The following RABGAP1L variants were observed in gnomAD, a reference collection of about 807,000 sequenced individuals.
RABGAP1L encodes the protein rab GTPase-activating protein 1-like.
In RABGAP1L, 63 loss-of-function variants were observed where a neutral mutation model predicts 137.7. The observed-to-expected ratio is 0.46, with a 90% confidence interval of 0.37 to 0.56. The LOEUF is 0.56. RABGAP1L is among the 20% of genes least tolerant of loss of function. The pLI, the probability that RABGAP1L is intolerant of heterozygous loss-of-function variation, is 0.00. For missense variants in RABGAP1L, 1,095 were observed against 1,244.0 expected (o/e 0.88, Z 1.80); for synonymous variants, 431 against 433.7 (o/e 0.99, Z 0.08).
intron 18 of RABGAP1L, among the ~76,000 whole-genome samples, chr1:174,767,023 GC>G (rs1685721029): frequency 6.6e-6 from 1 of 152,096 alleles, no homozygotes; most frequent in Non-Finnish European, 1.5e-5. Context: ...TCAACCAATT[GC>G]CAATAAGAAA....
chr1:174,672,019 G>C (rs2148448702), intron 14 of RABGAP1L, among the ~76,000 whole-genome samples: 1 of 152,018 alleles, frequency 6.6e-6, no homozygotes, highest in East Asian at 1.9e-4. Flanking sequence ...TGAAGAAATA[G>C]ATGAGTAAGG....
At chr1:174,544,138 G>T (rs61826888) in intron 13 of RABGAP1L, among the ~76,000 whole-genome samples, 13,653 of 152,164 alleles carry the variant, frequency 0.09, 830 homozygotes, top group East Asian at 0.22. Flanking sequence ...TTGAATGTTG[G>T]CCTGCCTTGC....
At chr1:174,611,292 G>A (rs369472567) in intron 13 of RABGAP1L, among the ~76,000 whole-genome samples, 1 of 150,930 alleles carries the variant, frequency 6.6e-6, no homozygotes, top group African/African-American at 2.4e-5. Flanking sequence ...AGTTTTCCCA[G>A]CACCATTTAT....
At chr1:174,989,807 A>G in intron 25 of RABGAP1L, 42 bp from the exon 26 acceptor site, 1 of 1,533,692 alleles carries the variant, frequency 6.5e-7, no homozygotes, top group Non-Finnish European at 8.8e-7. Flanking sequence ...TGGCAAAGAG[A>G]AAACATTTAT....
intron 19 of RABGAP1L, among the ~76,000 whole-genome samples, chr1:174,814,499 T>C: frequency 6.6e-6 from 1 of 152,120 alleles, no homozygotes; most frequent in Non-Finnish European, 1.5e-5. Flanking sequence ...TCATCCAGTA[T>C]TGGGCTGGGA....
At chr1:174,652,444 A>G (rs147611314) in intron 14 of RABGAP1L, among the ~76,000 whole-genome samples, 90 of 152,210 alleles carry the variant, frequency 5.9e-4, no homozygotes, top group African/African-American at 2.1e-3. Flanking sequence ...GGATTTATCT[A>G]TCTGTGGTCT....
At chr1:174,613,314 A>C (rs1486659636) in intron 13 of RABGAP1L, among the ~76,000 whole-genome samples, 1 of 151,876 alleles carries the variant, frequency 6.6e-6, no homozygotes, top group Non-Finnish European at 1.5e-5. Flanking sequence ...TTTGTTATGT[A>C]CCCAGTAGTC....
chr1:174,943,663 G>A (rs1006126558), intron 19 of RABGAP1L, among the ~76,000 whole-genome samples: 20 of 152,110 alleles, frequency 1.3e-4, no homozygotes, highest in African/African-American at 4.3e-4. Context: ...GTGAAACCTG[G>A]TCTCTACTAA....
chr1:174,518,540 G>C (rs1253197485), intron 13 of RABGAP1L, among the ~76,000 whole-genome samples: 1 of 152,074 alleles, frequency 6.6e-6, no homozygotes, highest in Non-Finnish European at 1.5e-5. Context: ...CTGGTTGATT[G>C]AATTTGCAGA....
intron 17 of RABGAP1L, among the ~76,000 whole-genome samples, chr1:174,717,994 G>A (rs994297819): frequency 2.0e-5 from 3 of 152,168 alleles, no homozygotes; most frequent in Non-Finnish European, 4.4e-5. Flanking sequence ...TCCTCTGTCT[G>A]CTGCTTCCTG....
chr1:174,359,415 C>G (rs1420372177), intron 11 of RABGAP1L, among the ~76,000 whole-genome samples: 1 of 152,188 alleles, frequency 6.6e-6, no homozygotes, highest in African/African-American at 2.4e-5. Context: ...GAAGATAGAT[C>G]TGGGTCATAC....
intron 19 of RABGAP1L, among the ~76,000 whole-genome samples, chr1:174,871,587 G>A (rs923859866): frequency 3.3e-5 from 5 of 152,192 alleles, no homozygotes; most frequent in Non-Finnish European, 7.3e-5. Flanking sequence ...CCATTGGAAA[G>A]GGAGTTATCC....
rs1671992735 is a variant in RABGAP1L, at chr1:174,990,605, G to T, written c.*604G>T. 6.6e-6 allele frequency: 1 copy of T among 152,210 alleles called. No homozygotes were observed. The highest frequency in any genetic ancestry group is 1.5e-5 in the Non-Finnish European group (1 of 68,060). 9.4% of individuals were successfully genotyped at this position (152,210 alleles called of 1,614,324 possible). A position where few individuals can be genotyped will look rare whatever the true frequency, so the allele number is the denominator to read the frequency against. On this transcript the variant is annotated 3_prime_UTR_variant, in exon 26 of 26. Transcript: ENST00000681986. ...GGTACATCTGGAAATGAAGTGCCAG[G>T]AATAGACGGGCTGTTCAGATTATAC...
intron 13 of RABGAP1L, among the ~76,000 whole-genome samples, chr1:174,631,769 T>G (rs1341804020): frequency 1.3e-5 from 2 of 148,996 alleles, no homozygotes; most frequent in Admixed American, 6.7e-5. Flanking sequence ...CATCCTTTTA[T>G]TTTGAGCCTA....
At chr1:174,820,181 G>A (rs527999158) in intron 19 of RABGAP1L, among the ~76,000 whole-genome samples, 2 of 152,286 alleles carry the variant, frequency 1.3e-5, no homozygotes, top group Admixed American at 1.3e-4. Flanking sequence ...TAGTCCAAAT[G>A]TATATATGAA....
At chr1:174,434,491 T>C (rs1478929431) in intron 13 of RABGAP1L, among the ~76,000 whole-genome samples, 1 of 152,186 alleles carries the variant, frequency 6.6e-6, no homozygotes, top group East Asian at 1.9e-4. Context: ...TGGAAGGAAT[T>C]GATGGGAGAG....
chr1:174,440,179 A>G (rs952319124), intron 13 of RABGAP1L, among the ~76,000 whole-genome samples: 1 of 152,238 alleles, frequency 6.6e-6, no homozygotes, highest in Non-Finnish European at 1.5e-5. Flanking sequence ...ATCCTAAACA[A>G]CATAGAAGAG....
intron 10 of RABGAP1L, among the ~76,000 whole-genome samples, chr1:174,290,765 T>A (rs908107543): frequency 3.6e-5 from 5 of 139,332 alleles, no homozygotes; most frequent in African/African-American, 1.3e-4. Context: ...TTTTTCTTGG[T>A]TTTTTTTTTT....
At chr1:174,452,304 T>G (rs1348193463) in intron 13 of RABGAP1L, among the ~76,000 whole-genome samples, 1 of 152,200 alleles carries the variant, frequency 6.6e-6, no homozygotes, top group Non-Finnish European at 1.5e-5. Flanking sequence ...TTGGAAAGCT[T>G]CATAATTGAC....
Sources: gnomAD v4.1 joint callset for allele counts (sites outside exome capture counted in the v4.1 genomes callset) on GRCh38, gnomAD v4.1.1 for gene constraint, MANE v1.5 for transcripts, NCBI Gene and HGNC (gene_info 2026-07-23, HGNC 2026-07-21) for gene names.